The following SUPT3H variants were observed in gnomAD, a reference collection of about 807,000 sequenced individuals.
The protein encoded by SUPT3H is transcription initiation protein SPT3 homolog.
A neutral mutation model predicts 44.3 loss-of-function variants in SUPT3H; 44 were observed. The ratio of observed to expected loss-of-function variants is 0.99; its 90% confidence interval spans 0.78 to 1.28. The LOEUF is 1.28. Among genes scored for constraint, SUPT3H ranks in the 50% most tolerant of loss-of-function variants. SUPT3H has a pLI of 0.00. For synonymous variants in SUPT3H, 124 were observed against 125.6 expected (o/e 0.99, Z 0.09); for missense variants, 380 against 387.1 (o/e 0.98, Z 0.15).
intron 4 of SUPT3H, 65 bp from the exon 5 acceptor site, chr6:45,014,956 A>T (rs1287857339): frequency 1.1e-6 from 1 of 934,444 alleles, no homozygotes. Flanking sequence ...CTGATTAAAG[A>T]CTACTATAAC....
At chr6:45,164,840 T>C (rs1809592249) in intron 2 of SUPT3H, among the ~76,000 whole-genome samples, 1 of 152,138 alleles carries the variant, frequency 6.6e-6, no homozygotes, top group Non-Finnish European at 1.5e-5. Context: ...GATGTAGAGA[T>C]CCACAATAAC....
chr6:45,075,558 G>C (rs571588146), intron 3 of SUPT3H, among the ~76,000 whole-genome samples: 1 of 151,970 alleles, frequency 6.6e-6, no homozygotes, highest in African/African-American at 2.4e-5. Flanking sequence ...AAATTTTCTC[G>C]TCATGAAATT....
chr6:45,013,278 T>C (rs1011987338), intron 5 of SUPT3H, among the ~76,000 whole-genome samples: 66 of 152,220 alleles, frequency 4.3e-4, no homozygotes, highest in African/African-American at 1.4e-3. Flanking sequence ...ACCAGTATCA[T>C]GGAGCTACCA....
chr6:45,334,791 AC>A (rs58604686), intron 2 of SUPT3H, among the ~76,000 whole-genome samples: 27,227 of 151,070 alleles, frequency 0.18, 3,805 homozygotes, highest in African/African-American at 0.39. Flanking sequence ...TAACTGAGGT[AC>A]TATAGTTCTG....
chr6:45,350,531 A>C (rs1390772347), intron 2 of SUPT3H, among the ~76,000 whole-genome samples: 2 of 152,200 alleles, frequency 1.3e-5, no homozygotes, highest in Non-Finnish European at 2.9e-5. Context: ...AAGACCAATA[A>C]TAGTCACAAA....
At chr6:45,368,298 A>G (rs1391573696) in intron 1 of SUPT3H, among the ~76,000 whole-genome samples, 1 of 152,166 alleles carries the variant, frequency 6.6e-6, no homozygotes, top group Non-Finnish European at 1.5e-5. Context: ...TAGTATTTAA[A>G]CCTGATCATT....
intron 5 of SUPT3H, among the ~76,000 whole-genome samples, chr6:45,007,863 G>A (rs1782937770): frequency 6.6e-6 from 1 of 151,118 alleles, no homozygotes; most frequent in South Asian, 2.1e-4. Context: ...ACCAACTCTA[G>A]GCAACCACTA....
chr6:44,844,429 T>A (rs189278776), intron 10 of SUPT3H, among the ~76,000 whole-genome samples: 1 of 152,216 alleles, frequency 6.6e-6, no homozygotes, highest in African/African-American at 2.4e-5. Flanking sequence ...CCATGTTTTA[T>A]AGGTGAACAT....
rs1246963294 is a variant in SUPT3H at position 45,335,604 on chromosome 6, A to G, written c.101+29597T>C. Among the ~76,000 whole-genome samples the G allele has an allele frequency of 4.0e-5, 6 of 151,474 alleles. No homozygotes were observed. The East Asian group carries it at 1.2e-3, about 29-fold the overall frequency. The stretch of plus-strand genomic sequence containing the variant: ...GTAACAACTGTACAGGATCACAGAA[A>G]GGAAACTTCTTTATGCTAACAATCC... On this transcript the variant is annotated intron_variant, in intron 2 of 10. Coordinates refer to ENST00000371459, the MANE Select transcript of SUPT3H (RefSeq NM_003599.4).
intron 2 of SUPT3H, among the ~76,000 whole-genome samples, chr6:45,153,295 C>T (rs763237349): frequency 2.6e-5 from 4 of 152,138 alleles, no homozygotes; most frequent in Non-Finnish European, 5.9e-5. Context: ...ACTAGTGTAG[C>T]CCTAGTGGCC....
At chr6:45,301,733 A>G (rs1292202335) in intron 2 of SUPT3H, among the ~76,000 whole-genome samples, 1 of 152,174 alleles carries the variant, frequency 6.6e-6, no homozygotes, top group Non-Finnish European at 1.5e-5. Flanking sequence ...CAATCTTTAT[A>G]TTATCGGTAT....
intron 2 of SUPT3H, among the ~76,000 whole-genome samples, chr6:45,242,513 A>G (rs1770553396): frequency 6.6e-6 from 1 of 152,224 alleles, no homozygotes; most frequent in Non-Finnish European, 1.5e-5. Context: ...GCTGGGAGAC[A>G]CTTAAGTTCA....
downstream of SUPT3H, among the ~76,000 whole-genome samples, chr6:44,822,735 T>C (rs951855827): frequency 6.6e-6 from 1 of 152,222 alleles, no homozygotes; most frequent in Admixed American, 6.5e-5. Flanking sequence ...CATCTAAAGT[T>C]CATAAGCTGT....
intron 11 of SUPT3H, among the ~76,000 whole-genome samples, chr6:44,821,469 G>C (rs182393235): frequency 5.3e-5 from 8 of 152,206 alleles, no homozygotes; most frequent in African/African-American, 1.9e-4. Flanking sequence ...CCCCCTCTCT[G>C]AAACCTGCCC....
intron 2 of SUPT3H, among the ~76,000 whole-genome samples, chr6:45,217,693 C>G (rs369111455): frequency 1.3e-5 from 2 of 152,066 alleles, no homozygotes; most frequent in African/African-American, 4.8e-5. Flanking sequence ...GAGTTCAAGA[C>G]CAGTCTGATC....
At position 44,830,904 on chromosome 6, in the gene SUPT3H, C is replaced by CAGAA. The variant is rs552758320; in HGVS notation, c.913-1051_913-1048dup. On this transcript the variant is annotated intron_variant, in intron 10 of 10. Coordinates refer to ENST00000371459, the MANE Select transcript of SUPT3H (RefSeq NM_003599.4). The stretch of plus-strand genomic sequence containing the variant: ...AGCCACAGCCATATTTTAAGAAATA[C>CAGAA]AGAATAACCTTTTACGATCAAGATA... 5.3e-4 allele frequency among the ~76,000 whole-genome samples: 71 copies of CAGAA among 135,236 alleles called. 3 individuals are homozygous for CAGAA. The highest frequency in any genetic ancestry group is 2.3e-3 in the African/African-American group (70 of 30,210). 88.7% of individuals were successfully genotyped at this position (135,236 alleles called of 152,430 possible).
At chr6:45,235,957 A>T (rs770293638) in intron 2 of SUPT3H, among the ~76,000 whole-genome samples, 24 of 152,188 alleles carry the variant, frequency 1.6e-4, no homozygotes, top group Non-Finnish European at 3.2e-4. Context: ...CCTTAAGGAC[A>T]TGTTTCTGCT....
At chr6:45,105,854 T>C (rs1362812128) in intron 3 of SUPT3H, 68 bp downstream of exon 3, 1 of 1,217,496 alleles carries the variant, frequency 8.2e-7, no homozygotes, top group African/African-American at 1.5e-5. Flanking sequence ...GTTTTTAAAG[T>C]GTTGGGTTAC....
chr6:44,976,060 T>C (rs1778288405), intron 6 of SUPT3H, among the ~76,000 whole-genome samples: 1 of 152,196 alleles, frequency 6.6e-6, no homozygotes, highest in South Asian at 2.1e-4. Flanking sequence ...TTTCTTGTAA[T>C]TGGCTGAGTT....
Sources: gnomAD v4.1 joint callset for allele counts (sites outside exome capture counted in the v4.1 genomes callset) on GRCh38, gnomAD v4.1.1 for gene constraint, MANE v1.5 for transcripts, NCBI Gene and HGNC (gene_info 2026-07-23, HGNC 2026-07-21) for gene names.